The following CTNNA3 variants were observed in gnomAD, a reference collection of about 807,000 sequenced individuals.
CTNNA3 encodes the protein catenin alpha 3, also known as catenin alpha-3.
A neutral mutation model predicts 95.7 loss-of-function variants in CTNNA3; 76 were observed. That is an observed-to-expected ratio of 0.79 (90% CI 0.66 to 0.96). CTNNA3 has a LOEUF of 0.96. Ranked by LOEUF, CTNNA3 falls within the 40% of genes least tolerant of loss-of-function variation. The probability of loss-of-function intolerance (pLI) is 0.00; values close to 1 mark genes in which losing one functional copy is unlikely to be tolerated. For missense variants in CTNNA3, 1,191 were observed against 1,089.8 expected, an observed-to-expected ratio of 1.09 and a Z score of -1.31; for synonymous variants, 431 against 374.4, an observed-to-expected ratio of 1.15 and a Z score of -1.74.
intron 12 of CTNNA3, among the ~76,000 whole-genome samples, chr10:66,369,926 T>G (rs1179112019): frequency 2.6e-5 from 4 of 152,082 alleles, no homozygotes; most frequent in Non-Finnish European, 5.9e-5. Flanking sequence ...CAACCAGGAC[T>G]ACATCTGAGG....
chr10:67,057,562 T>C (rs973568026), intron 7 of CTNNA3, among the ~76,000 whole-genome samples: 5 of 152,214 alleles, frequency 3.3e-5, no homozygotes, highest in African/African-American at 1.2e-4. Context: ...TAATGTCTTC[T>C]AGGTTTATCC....
At chr10:66,415,369 C>T (rs1462575459) in intron 11 of CTNNA3, among the ~76,000 whole-genome samples, 1 of 152,136 alleles carries the variant, frequency 6.6e-6, no homozygotes, top group African/African-American at 2.4e-5. Context: ...GGCCTGGACA[C>T]TGACCTTCCC....
At chr10:66,205,453 G>A (rs1419921540) in intron 13 of CTNNA3, among the ~76,000 whole-genome samples, 1 of 151,918 alleles carries the variant, frequency 6.6e-6, no homozygotes, top group East Asian at 1.9e-4. Context: ...TGTGGATTGA[G>A]CAGATTATGG....
intron 11 of CTNNA3, among the ~76,000 whole-genome samples, chr10:66,391,266 ACT>A (rs1246284538): frequency 6.9e-6 from 1 of 144,594 alleles, no homozygotes; most frequent in Non-Finnish European, 1.5e-5. Context: ...ACTTATACAA[ACT>A]CTGCAGCACT....
At chr10:66,659,574 C>G (rs966898723) in intron 9 of CTNNA3, among the ~76,000 whole-genome samples, 2 of 152,012 alleles carry the variant, frequency 1.3e-5, no homozygotes, top group African/African-American at 4.8e-5. Context: ...TACAAATATT[C>G]ATATGTTTAA....
chr10:65,931,209 A>G (rs973751806), intron 17 of CTNNA3, among the ~76,000 whole-genome samples: 4 of 152,208 alleles, frequency 2.6e-5, no homozygotes, highest in African/African-American at 9.6e-5. Flanking sequence ...CTAGCTTTAG[A>G]CAATTGCAAC....
intron 5 of CTNNA3, among the ~76,000 whole-genome samples, chr10:67,500,136 T>C (rs1839182035): frequency 6.6e-6 from 1 of 152,224 alleles, no homozygotes; most frequent in Non-Finnish European, 1.5e-5. Flanking sequence ...GTTGTGTCTT[T>C]GTTCTCATTG....
intron 13 of CTNNA3, among the ~76,000 whole-genome samples, chr10:66,235,877 T>C (rs941536435): frequency 1.3e-5 from 2 of 152,198 alleles, no homozygotes; most frequent in Non-Finnish European, 2.9e-5. Context: ...CTCATATACA[T>C]TGAATAAATT....
chr10:67,274,561 C>T (rs958610914), intron 5 of CTNNA3, among the ~76,000 whole-genome samples: 4 of 152,246 alleles, frequency 2.6e-5, no homozygotes, highest in South Asian at 2.1e-4. Flanking sequence ...GGCGCAGTGG[C>T]TCACACCTGT....
At chr10:67,058,460 A>C (rs1855569489) in intron 7 of CTNNA3, among the ~76,000 whole-genome samples, 1 of 152,246 alleles carries the variant, frequency 6.6e-6, no homozygotes, top group East Asian at 1.9e-4. Context: ...GTAAATTAGC[A>C]GTAAACAACA....
intron 13 of CTNNA3, among the ~76,000 whole-genome samples, chr10:66,240,917 A>G (rs2090077025): frequency 6.6e-6 from 1 of 152,162 alleles, no homozygotes; most frequent in African/African-American, 2.4e-5. Context: ...AAAAGAAAAG[A>G]AACCGTTTAG....
At chr10:66,498,791 T>C (rs1392174198) in intron 11 of CTNNA3, among the ~76,000 whole-genome samples, 1 of 152,164 alleles carries the variant, frequency 6.6e-6, no homozygotes, top group Non-Finnish European at 1.5e-5. Context: ...TCACGTTGCA[T>C]AGTTGTGCTT....
intron 10 of CTNNA3, among the ~76,000 whole-genome samples, chr10:66,534,961 C>A (rs1841601193): frequency 6.6e-6 from 1 of 151,684 alleles, no homozygotes; most frequent in African/African-American, 2.4e-5. Context: ...TTGGAGAATT[C>A]TTCTTGGCCT....
chr10:66,507,730 T>G (rs950840180), intron 11 of CTNNA3, among the ~76,000 whole-genome samples: 2 of 152,130 alleles, frequency 1.3e-5, no homozygotes, highest in African/African-American at 4.8e-5. Context: ...ATATATTACA[T>G]TTTCTTTATT....
In CTNNA3 at chr10:66,444,924, A is replaced by C. The variant is rs546009943; in HGVS notation, c.1532-65572T>G. ...ACCCATCAGTGTGCTGTATTCAGGAAACCCATCTCACGTGCAGAGACACGC... is the reference window on the plus strand; with the variant it reads ...ACCCATCAGTGTGCTGTATTCAGGACACCCATCTCACGTGCAGAGACACGC... On this transcript the variant is annotated intron_variant, in intron 11 of 17. Transcript: ENST00000433211. Among the ~76,000 whole-genome samples the C allele has an allele frequency of 3.0e-4, 45 of 152,196 alleles. 1 individual carries two copies. The South Asian group carries it at 8.7e-3, about 30-fold the overall frequency.
intron 5 of CTNNA3, among the ~76,000 whole-genome samples, chr10:67,270,319 T>C (rs151094146): frequency 6.6e-6 from 1 of 152,198 alleles, no homozygotes; most frequent in East Asian, 1.9e-4. Flanking sequence ...TTTAAAAGGA[T>C]AAAAGCAGCA....
At chr10:66,364,012 T>A (rs2092694516) in intron 12 of CTNNA3, among the ~76,000 whole-genome samples, 1 of 152,260 alleles carries the variant, frequency 6.6e-6, no homozygotes, top group East Asian at 1.9e-4. Flanking sequence ...CTAAGATCAC[T>A]TATTGTTGGT....
At chr10:67,510,599 T>G (rs958005423) in intron 5 of CTNNA3, among the ~76,000 whole-genome samples, 1 of 152,180 alleles carries the variant, frequency 6.6e-6, no homozygotes, top group Non-Finnish European at 1.5e-5. Context: ...TACTGCAGCC[T>G]TGTAGTATAG....
chr10:66,862,352 T>C (rs115417505), intron 7 of CTNNA3, among the ~76,000 whole-genome samples: 3,204 of 152,306 alleles, frequency 0.021, 109 homozygotes, highest in African/African-American at 0.073. Context: ...AGTTACAGTT[T>C]CTAAGAACTT....
Sources: allele counts gnomAD v4.1 joint callset (sites outside exome capture counted in the v4.1 genomes callset), GRCh38; gene constraint gnomAD v4.1.1; transcripts MANE v1.5; gene names NCBI Gene and HGNC (gene_info 2026-07-23, HGNC 2026-07-21).